The following TAFA1 variants were observed in gnomAD, a reference collection of about 807,000 sequenced individuals.
TAFA1 encodes TAFA chemokine like family member 1, also known as chemokine-like protein TAFA-1.
Under a neutral mutation model 18.5 loss-of-function variants are expected in TAFA1, and 4 were observed. The observed-to-expected ratio is 0.22, with a 90% CI of 0.11 to 0.49. TAFA1 has a LOEUF of 0.49. Among genes scored for constraint, TAFA1 ranks in the 20% least tolerant of loss-of-function variants. The pLI is 0.98. For missense variants in TAFA1, 147 were observed against 169.0 expected, an observed-to-expected ratio of 0.87 and a Z score of 0.72; for synonymous variants, 56 against 55.2, an observed-to-expected ratio of 1.01 and a Z score of -0.06.
At chr3:68,480,266 G>A (rs929263617) in intron 3 of TAFA1, among the ~76,000 whole-genome samples, 1 of 151,340 alleles carries the variant, frequency 6.6e-6, no homozygotes, top group African/African-American at 2.4e-5. Context: ...AGCCAGGCAT[G>A]TTGGCACTCA....
chr3:68,284,627 C>A (rs1236039126), intron 2 of TAFA1, among the ~76,000 whole-genome samples: 1 of 151,912 alleles, frequency 6.6e-6, no homozygotes, highest in Non-Finnish European at 1.5e-5. Context: ...AGAAAACTGC[C>A]CAGCAATAAA....
At chr3:68,426,996 A>G (rs960307763) in intron 3 of TAFA1, among the ~76,000 whole-genome samples, 1 of 151,822 alleles carries the variant, frequency 6.6e-6, no homozygotes, top group African/African-American at 2.4e-5. Context: ...CTATATAGCC[A>G]CTTAAGAGAA....
chr3:68,518,303 G>T (rs1301016193), intron 3 of TAFA1, among the ~76,000 whole-genome samples: 1 of 141,150 alleles, frequency 7.1e-6, no homozygotes, highest in Non-Finnish European at 1.6e-5. Context: ...AATTTTTTTT[G>T]GCACAGAGCC....
At chr3:68,200,448 A>G (rs960450434) in intron 2 of TAFA1, among the ~76,000 whole-genome samples, 21 of 151,648 alleles carry the variant, frequency 1.4e-4, no homozygotes, top group African/African-American at 5.1e-4. Context: ...TTCACCGGTG[A>G]ACCCATTGAA....
rs1488410503 is a variant in TAFA1 at position 68,006,760 on chromosome 3, G to A, written c.118+16G>A. On this transcript the variant is annotated intron_variant, in intron 2 of 4. Transcript: ENST00000478136. ...CACAGACCAGGTAAGTCAGGAGCTG[G>A]CTCCACTGCAGCCTCCTCCAGTCTT... 6.5e-7 allele frequency: 1 copy of A among 1,548,402 alleles called. No individual in the cohort carries two copies. Among genetic ancestry groups the A allele is most frequent in the African/African-American group, 1.4e-5 (1 of 73,746 alleles).
At chr3:68,171,333 GC>G (rs1331562521) in intron 2 of TAFA1, among the ~76,000 whole-genome samples, 5 of 152,126 alleles carry the variant, frequency 3.3e-5, no homozygotes, top group Non-Finnish European at 5.9e-5. Flanking sequence ...GTTCTATAAA[GC>G]CTCCAGAAAG....
At chr3:68,427,487 C>A (rs1400081566) in intron 3 of TAFA1, among the ~76,000 whole-genome samples, 1 of 151,826 alleles carries the variant, frequency 6.6e-6, no homozygotes, top group Non-Finnish European at 1.5e-5. Flanking sequence ...GATACTGGTA[C>A]ATTGCTATGT....
At chr3:68,188,636 G>C (rs958986085) in intron 2 of TAFA1, among the ~76,000 whole-genome samples, 1 of 151,524 alleles carries the variant, frequency 6.6e-6, no homozygotes, top group Non-Finnish European at 1.5e-5. Flanking sequence ...TACAGAACCA[G>C]CCTTGGCTTT....
At chr3:68,074,174 C>T (rs980238499) in intron 2 of TAFA1, among the ~76,000 whole-genome samples, 1 of 152,100 alleles carries the variant, frequency 6.6e-6, no homozygotes, top group African/African-American at 2.4e-5. Flanking sequence ...AGAGTTCTTG[C>T]TCCTATGAGA....
intron 3 of TAFA1, among the ~76,000 whole-genome samples, chr3:68,438,848 T>C (rs964114701): frequency 6.6e-6 from 1 of 152,130 alleles, no homozygotes; most frequent in Non-Finnish European, 1.5e-5. Context: ...TTAAGGCCAC[T>C]TGAGCCACAG....
intron 2 of TAFA1, among the ~76,000 whole-genome samples, chr3:68,087,974 A>G (rs965528934): frequency 1.3e-5 from 2 of 152,186 alleles, no homozygotes; most frequent in African/African-American, 4.8e-5. Flanking sequence ...GACTACAACC[A>G]TGTTAGACAC....
chr3:68,442,790 A>G (rs976028300), intron 3 of TAFA1, among the ~76,000 whole-genome samples: 1 of 152,206 alleles, frequency 6.6e-6, no homozygotes, highest in Admixed American at 6.5e-5. Flanking sequence ...GCCTGCAGAA[A>G]AGAATAGATT....
intron 2 of TAFA1, among the ~76,000 whole-genome samples, chr3:68,179,170 C>G (rs2066164953): frequency 6.6e-6 from 1 of 152,130 alleles, no homozygotes; most frequent in Non-Finnish European, 1.5e-5. Flanking sequence ...AACTTACTTC[C>G]AGGAAAACTA....
intron 3 of TAFA1, among the ~76,000 whole-genome samples, chr3:68,488,502 C>G (rs1370435323): frequency 6.6e-6 from 1 of 152,160 alleles, no homozygotes; most frequent in Non-Finnish European, 1.5e-5. Flanking sequence ...TATTAACCAT[C>G]ACAGTGTACA....
intron 2 of TAFA1, among the ~76,000 whole-genome samples, chr3:68,048,357 A>T (rs2064420159): frequency 1.3e-5 from 2 of 152,102 alleles, no homozygotes; most frequent in Non-Finnish European, 2.9e-5. Context: ...TTCATGGGGT[A>T]CATGAGATAT....
intron 2 of TAFA1, among the ~76,000 whole-genome samples, chr3:68,132,643 T>C (rs1212870008): frequency 6.6e-6 from 1 of 152,240 alleles, no homozygotes; most frequent in Non-Finnish European, 1.5e-5. Context: ...TGAGCTTTTT[T>C]TCATATATTT....
chr3:68,373,980 A>G (rs1227591763), intron 2 of TAFA1, among the ~76,000 whole-genome samples: 9 of 152,178 alleles, frequency 5.9e-5, no homozygotes, highest in Non-Finnish European at 8.8e-5. Context: ...GCAAGAATAC[A>G]ACACAAGGAG....
At chr3:68,135,281 T>C (rs2065594103) in intron 2 of TAFA1, among the ~76,000 whole-genome samples, 1 of 152,198 alleles carries the variant, frequency 6.6e-6, no homozygotes, top group South Asian at 2.1e-4. Flanking sequence ...CAGGTAGTCA[T>C]CAAACAACAT....
chr3:68,010,390 C>A (rs935060547), intron 2 of TAFA1, among the ~76,000 whole-genome samples: 116 of 152,268 alleles, frequency 7.6e-4, no homozygotes, highest in African/African-American at 2.2e-3. Flanking sequence ...GATTGCCTCA[C>A]CTGGATGGCA....
Sources: allele counts gnomAD v4.1 joint callset (sites outside exome capture counted in the v4.1 genomes callset), GRCh38; gene constraint gnomAD v4.1.1; transcripts MANE v1.5; gene names NCBI Gene and HGNC (gene_info 2026-07-23, HGNC 2026-07-21).